The following KCTD8 variants were observed in gnomAD, a reference collection of about 807,000 sequenced individuals.
KCTD8 encodes potassium channel tetramerization domain containing 8.
In KCTD8, 27 loss-of-function variants were observed where a neutral mutation model predicts 31.5. The observed-to-expected ratio is 0.86, with a 90% CI of 0.63 to 1.18. The LOEUF is 1.18. Ranked by LOEUF, KCTD8 falls within the 50% of genes most tolerant of loss-of-function variation. KCTD8 has a pLI of 0.00. For missense variants in KCTD8, 658 were observed against 647.7 expected, an observed-to-expected ratio of 1.02 and a Z score of -0.17; for synonymous variants, 290 against 280.0, an observed-to-expected ratio of 1.04 and a Z score of -0.36.
intron 1 of KCTD8, among the ~76,000 whole-genome samples, chr4:44,322,755 A>C (rs1183935452): frequency 6.6e-6 from 1 of 152,002 alleles, no homozygotes; most frequent in East Asian, 1.9e-4. Context: ...ATTTTGAGTT[A>C]ATTTTTGTAT....
intron 1 of KCTD8, among the ~76,000 whole-genome samples, chr4:44,343,195 G>C (rs1160678764): frequency 6.6e-6 from 1 of 152,102 alleles, no homozygotes; most frequent in African/African-American, 2.4e-5. Flanking sequence ...CATTTAAAGT[G>C]AAAAATGTGA....
chr4:44,222,199 T>G (rs1714827529), intron 1 of KCTD8, among the ~76,000 whole-genome samples: 1 of 152,164 alleles, frequency 6.6e-6, no homozygotes, highest in Admixed American at 6.5e-5. Context: ...GGTTAGTCAT[T>G]ATGCAAGTAT....
At chr4:44,242,637 C>T (rs1715540070) in intron 1 of KCTD8, among the ~76,000 whole-genome samples, 1 of 152,002 alleles carries the variant, frequency 6.6e-6, no homozygotes, top group South Asian at 2.1e-4. Context: ...TATAGTTTGA[C>T]TATATGTCCT....
chr4:44,403,010 T>C (rs889168470), intron 1 of KCTD8, among the ~76,000 whole-genome samples: 2 of 152,194 alleles, frequency 1.3e-5, no homozygotes, highest in African/African-American at 2.4e-5. Context: ...GAAACAAGGT[T>C]GGAAATGAAT....
At chr4:44,267,610 G>GT (rs1260152748) in intron 1 of KCTD8, among the ~76,000 whole-genome samples, 4 of 152,112 alleles carry the variant, frequency 2.6e-5, no homozygotes, top group Non-Finnish European at 4.4e-5. Flanking sequence ...CCAGGAGCTG[G>GT]TTTTTTGAAA....
At chr4:44,314,284 G>A (rs1169951432) in intron 1 of KCTD8, among the ~76,000 whole-genome samples, 1 of 152,172 alleles carries the variant, frequency 6.6e-6, no homozygotes, top group Non-Finnish European at 1.5e-5. Context: ...TTGGAAAAGT[G>A]AGTTTGAAAT....
Position 44,397,933 on chromosome 4 carries a change from T to C in KCTD8, c.961+49630A>G, listed in dbSNP as rs144007093. ...TGTAGCACAATGAATTACAGTTAAA[T>C]TTACTTTTTTTAAAAAAACAAATTA... On this transcript the variant is annotated intron_variant, in intron 1 of 1. Coordinates refer to ENST00000360029, the MANE Select transcript of KCTD8 (RefSeq NM_198353.3). 3.5e-3 allele frequency among the ~76,000 whole-genome samples: 531 copies of C among 152,260 alleles called. 2 individuals carry two copies. The highest frequency in any genetic ancestry group is 0.012 in the African/African-American group (504 of 41,558).
chr4:44,200,855 ATTAG>A (rs748562721), intron 1 of KCTD8, among the ~76,000 whole-genome samples: 12 of 152,018 alleles, frequency 7.9e-5, no homozygotes, highest in Non-Finnish European at 1.3e-4. Flanking sequence ...CAGGAAAAGA[ATTAG>A]TTAAACACTC....
intron 1 of KCTD8, among the ~76,000 whole-genome samples, chr4:44,212,562 G>A (rs751896642): frequency 2.6e-5 from 4 of 151,996 alleles, no homozygotes; most frequent in Non-Finnish European, 5.9e-5. Context: ...GGAAAAATCC[G>A]CTATGTGGAC....
intron 1 of KCTD8, among the ~76,000 whole-genome samples, chr4:44,389,352 T>C (rs571673487): frequency 6.6e-6 from 1 of 151,920 alleles, no homozygotes; most frequent in South Asian, 2.1e-4. Context: ...GGTGTTATTA[T>C]TACACATTGC....
chr4:44,397,745 G>T (rs1720542829), intron 1 of KCTD8, among the ~76,000 whole-genome samples: 1 of 152,240 alleles, frequency 6.6e-6, no homozygotes, highest in Middle Eastern at 3.4e-3. Context: ...CTAGAAAGAA[G>T]AAGTTAGGAT....
chr4:44,383,063 TA>T (rs1170470695), intron 1 of KCTD8, among the ~76,000 whole-genome samples: 1 of 150,682 alleles, frequency 6.6e-6, no homozygotes, highest in Admixed American at 6.6e-5. Flanking sequence ...ATAATAGCTA[TA>T]AAAAAACAAA....
chr4:44,291,960 G>GAAA (rs571458412), intron 1 of KCTD8, among the ~76,000 whole-genome samples: 8 of 88,414 alleles, frequency 9.0e-5, no homozygotes, highest in Non-Finnish European at 1.5e-4. Context: ...TGGCTATTAT[G>GAAA]AAAAAAAAAA....
intron 1 of KCTD8, among the ~76,000 whole-genome samples, chr4:44,385,292 C>T (rs1472539765): frequency 6.6e-6 from 1 of 151,502 alleles, no homozygotes; most frequent in Non-Finnish European, 1.5e-5. Flanking sequence ...CATTTCCCAA[C>T]TTCAAAACCT....
chr4:44,420,880 C>T (rs1004643805), intron 1 of KCTD8, among the ~76,000 whole-genome samples: 14 of 151,352 alleles, frequency 9.2e-5, no homozygotes, highest in African/African-American at 3.2e-4. Flanking sequence ...AAGACTCGAA[C>T]GAAGTTAAAT....
chr4:44,208,935 G>A (rs960838593), intron 1 of KCTD8, among the ~76,000 whole-genome samples: 1 of 152,126 alleles, frequency 6.6e-6, no homozygotes. Context: ...AAATCTGTAG[G>A]TAATAAGGGA....
intron 1 of KCTD8, among the ~76,000 whole-genome samples, chr4:44,243,198 T>C (rs993800777): frequency 6.6e-6 from 1 of 152,202 alleles, no homozygotes; most frequent in Non-Finnish European, 1.5e-5. Context: ...CCTTTGTTCA[T>C]GGGTTCCAGC....
intron 1 of KCTD8, among the ~76,000 whole-genome samples, chr4:44,372,095 G>A (rs1369543681): frequency 6.6e-6 from 1 of 152,088 alleles, no homozygotes; most frequent in Non-Finnish European, 1.5e-5. Context: ...TTCCCTACTA[G>A]AAAATATTTT....
intron 1 of KCTD8, among the ~76,000 whole-genome samples, chr4:44,187,387 C>G (rs187042921): frequency 2.0e-5 from 3 of 152,266 alleles, no homozygotes; most frequent in African/African-American, 7.2e-5. Context: ...AGGATTCTAT[C>G]CACATTCACC....
Sources: gnomAD v4.1 joint callset for allele counts (sites outside exome capture counted in the v4.1 genomes callset) on GRCh38, gnomAD v4.1.1 for gene constraint, MANE v1.5 for transcripts, NCBI Gene and HGNC (gene_info 2026-07-23, HGNC 2026-07-21) for gene names.